PCNT: variants seen among roughly 807,000 people sequenced by gnomAD.
PCNT encodes pericentrin, also known as kendrin.
Under a neutral mutation model 380.4 loss-of-function variants are expected in PCNT, and 319 were observed. The observed-to-expected ratio is 0.84, with a 90% CI of 0.77 to 0.92. The LOEUF is 0.92. PCNT is among the 40% of genes least tolerant of loss of function. PCNT has a pLI of 0.00. For synonymous variants in PCNT, 1,845 were observed against 1,735.2 expected (o/e 1.06, Z -1.57); for missense variants, 4,400 against 4,255.3 (o/e 1.03, Z -0.95).
chr21:46,411,450 G>T lies in PCNT; in HGVS notation c.5377G>T (p.Glu1793Ter), dbSNP rs201379409. Residue 1793 changes from glutamate (E) to a stop codon, truncating the protein, a stop_gained, in exon 28 of 47, where the codon GAG (glutamate) becomes TAG (stop). Transcript: ENST00000359568. LOFTEE classifies it high-confidence loss of function. Reference protein sequence around the residue: ...PRGQALQGELEAALEAKEALS... With the variant: ...PRGQALQGEL ...TGGGCAGGCCCTACAGGGCGAGCTC[G>T]AGGCTGCGCTGGAAGCCAAGGAGGC... 1 of 1,611,046 alleles carries T rather than the reference G, an allele frequency of 6.2e-7. No individual in the cohort carries two copies. The highest frequency in any genetic ancestry group is 1.3e-5 in the African/African-American group (1 of 74,910).
chr21:46,356,909 G>A (rs557913216), intron 12 of PCNT, 65 bp from the exon 13 acceptor site: 262 of 1,402,708 alleles, frequency 1.9e-4, no homozygotes, highest in Non-Finnish European at 2.5e-4. Flanking sequence ...CTGCCTGTGC[G>A]GACTGTGGGC....
chr21:46,435,177 G>A (rs139083503), intron 38 of PCNT, among the ~76,000 whole-genome samples: 283 of 152,212 alleles, frequency 1.9e-3, no homozygotes, highest in Middle Eastern at 0.01. Flanking sequence ...CCCCTGTAAC[G>A]CGGCTGTGTG....
intron 19 of PCNT, 43 bp downstream of exon 19, chr21:46,389,474 T>C (rs772856564): frequency 1.3e-6 from 2 of 1,498,934 alleles, no homozygotes; most frequent in Non-Finnish European, 1.9e-6. Flanking sequence ...TGTGAACAAC[T>C]GAGTAGCTGA....
chr21:46,444,001 T>C, intron 45 of PCNT, 53 bp downstream of exon 45: 1 of 1,573,596 alleles, frequency 6.4e-7, no homozygotes, highest in Non-Finnish European at 8.7e-7. Flanking sequence ...CCCTCCAGCC[T>C]ACATAGGGCC....
Position 46,333,348 on chromosome 21 carries a change from C to T in PCNT, c.268-1049C>T, listed in dbSNP as rs532365725. 2.0e-4 allele frequency among the ~76,000 whole-genome samples: 30 copies of T among 150,444 alleles called. No individual in the cohort carries two copies. In the East Asian group the frequency reaches 4.9e-3, roughly 25 times the overall value. ...TCAGGAGGCTGAGGCAGGAGAATGGCGTGAACCCGGGAGGCAGAGCTTACA... is the reference window on the plus strand; with the variant it reads ...TCAGGAGGCTGAGGCAGGAGAATGGTGTGAACCCGGGAGGCAGAGCTTACA... On this transcript the variant is annotated intron_variant, in intron 2 of 46. Transcript: ENST00000359568.
rs141211481 is a variant in PCNT at position 46,391,216 on chromosome 21, C to T, written c.4056C>T (p.Ala1352=). 1.2e-4 allele frequency: 187 copies of T among 1,609,492 alleles called. No homozygotes were observed. The highest frequency in any genetic ancestry group is 3.3e-4 in the Middle Eastern group (2 of 6,072). ...VETADLKEVL[A]GKEDSEHRLV... ...CAGCAGATCTGAAGGAGGTGCTGGCCGGGAAGGAGGATTCCGAGCACCGTC... is the reference window on the plus strand; with the variant it reads ...CAGCAGATCTGAAGGAGGTGCTGGCTGGGAAGGAGGATTCCGAGCACCGTC... Residue 1352 remains alanine (A), a synonymous_variant, in exon 21 of 47, where the codon GCC becomes GCT. Transcript: ENST00000359568.
chr21:46,349,769 A>G lies in PCNT; in HGVS notation c.1293A>G (p.Leu431=). The G allele has an allele frequency of 6.2e-7, 1 of 1,614,188 alleles. No homozygotes were observed. The highest frequency in any genetic ancestry group is 2.2e-5 in the East Asian group (1 of 44,894). The change falls in exon 8 of 47, where the codon TTA becomes TTG. Residue 431 remains leucine, a synonymous_variant. Coordinates refer to ENST00000359568, the MANE Select transcript of PCNT (RefSeq NM_006031.6). ...EDLQSEHGRC[L]EDLEFKFKES... is the part of the protein sequence containing the mutation. ...TGCAGTCCGAGCACGGCCGGTGTTT[A>G]GAAGACTTGGAGTTCAAGTTCAAAG...
chr21:46,328,844 G>T (rs1227179604), intron 2 of PCNT, among the ~76,000 whole-genome samples: 1 of 151,696 alleles, frequency 6.6e-6, no homozygotes, highest in Non-Finnish European at 1.5e-5. Context: ...CACGCCCTCT[G>T]CTTCCTGCAA....
intron 3 of PCNT, among the ~76,000 whole-genome samples, chr21:46,340,609 C>CT (rs891477717): frequency 6.6e-6 from 1 of 152,116 alleles, no homozygotes; most frequent in Non-Finnish European, 1.5e-5. Flanking sequence ...AACTGTACAT[C>CT]TTTTTTTGTG....
At chr21:46,361,955 T>C (rs2084734971) in intron 13 of PCNT, among the ~76,000 whole-genome samples, 1 of 152,180 alleles carries the variant, frequency 6.6e-6, no homozygotes, top group Non-Finnish European at 1.5e-5. Context: ...TTCCTGCTTA[T>C]TTATGGGTCA....
At chr21:46,333,371 A>G (rs9980227) in intron 2 of PCNT, among the ~76,000 whole-genome samples, 85,301 of 149,260 alleles carry the variant, frequency 0.57, 24,918 homozygotes, top group Non-Finnish European at 0.64. Flanking sequence ...GGCAGAGCTT[A>G]CAGTGAGCTG....
chr21:46,379,460 A>C (rs1016383597), intron 15 of PCNT, among the ~76,000 whole-genome samples: 1 of 151,894 alleles, frequency 6.6e-6, no homozygotes, highest in Non-Finnish European at 1.5e-5. Flanking sequence ...TCCTACTTGG[A>C]GTTCATTGAG....
chr21:46,386,031 G>A (rs577277780), intron 17 of PCNT, 48 bp downstream of exon 17: 54 of 1,609,364 alleles, frequency 3.4e-5, no homozygotes, highest in Non-Finnish European at 4.4e-5. Context: ...GCCAGCACCC[G>A]CTGGGTCATG....
rs1377230731 is a variant in PCNT, at chr21:46,347,053, A to G, written c.976+55A>G. On this transcript the variant is annotated intron_variant, in intron 5 of 46. Transcript: ENST00000359568. ...CGTGTGGGCTCGGTGTGGGCATTCT[A>G]GTGCCTGTTCCCTCTTGGGGTTGGG... 3 of 1,561,462 alleles carry G rather than the reference A, an allele frequency of 1.9e-6. No individual in the cohort carries two copies. The highest frequency in any genetic ancestry group is 2.7e-5 in the African/African-American group (2 of 74,256).
At chr21:46,354,090 A>G in intron 11 of PCNT, 22 bp downstream of exon 11, 3 of 1,601,496 alleles carry the variant, frequency 1.9e-6, no homozygotes, top group African/African-American at 1.3e-5. Context: ...CGCGCTGAGA[A>G]GTGGGGGAGT....
Position 46,445,551 on chromosome 21 carries a change from C to T in PCNT, c.*224C>T, listed in dbSNP as rs1015679470. ...CCGTATGTTTTAGGCCCATGACCTT[C>T]GTGAGGTGACGGGCACTCACTCCCA... On this transcript the variant is annotated 3_prime_UTR_variant, in exon 47 of 47. Transcript: ENST00000359568. 5.2e-6 allele frequency: 3 copies of T among 577,586 alleles called. No homozygotes were observed. Among genetic ancestry groups the T allele is most frequent in the East Asian group, 3.0e-5 (1 of 33,838 alleles). 35.8% of individuals were successfully genotyped at this position (577,586 alleles called of 1,614,324 possible).
In PCNT at chr21:46,388,595, G is replaced by A. The variant is rs1368904142; in HGVS notation, c.3465-147G>A. 5.1e-6 allele frequency: 5 copies of A among 986,122 alleles called. No individual in the cohort carries two copies. Among genetic ancestry groups the A allele is most frequent in the Admixed American group, 1.8e-5 (1 of 55,390 alleles). 61.1% of individuals were successfully genotyped at this position (986,122 alleles called of 1,614,324 possible). On this transcript the variant is annotated intron_variant, in intron 17 of 46. Coordinates refer to ENST00000359568, the MANE Select transcript of PCNT (RefSeq NM_006031.6). The surrounding 1 kb of genome is among the most constrained non-coding windows in gnomAD (Gnocchi z 4.2). ...GCCTCAGCTTCCTGTGCTCACATGG[G>A]CATGAGGATCATGTCTTCCGGCCCC... is the stretch of plus-strand genomic sequence containing the variant.
intron 29 of PCNT, 75 bp downstream of exon 29, chr21:46,413,067 G>A (rs1387166746): frequency 2.1e-6 from 2 of 957,776 alleles, no homozygotes; most frequent in African/African-American, 3.3e-5. Context: ...GGGGAGCGGG[G>A]AAGGCACGAG....
rs1198603065 is a variant in PCNT at position 46,349,790 on chromosome 21, C to G, written c.1314C>G (p.Phe438Leu). The change falls in exon 8 of 47, where the codon TTC (phenylalanine) becomes TTG (leucine). Residue 438 changes from phenylalanine (F) to leucine (L), a missense_variant. By Grantham distance (22) the Phe-to-Leu change is conservative. Coordinates refer to ENST00000359568, the MANE Select transcript of PCNT (RefSeq NM_006031.6). ...GTTTAGAAGACTTGGAGTTCAAGTT[C>G]AAAGAGAGCGAGAAAGAAAAACAGC... Reference protein sequence around the residue: ...GRCLEDLEFKFKESEKEKQLE... With the variant: ...GRCLEDLEFKLKESEKEKQLE... 1 of 1,613,982 alleles carries G rather than the reference C, an allele frequency of 6.2e-7. No homozygotes were observed. The highest frequency in any genetic ancestry group is 1.3e-5 in the African/African-American group (1 of 74,908).
Sources: gnomAD v4.1 joint callset for allele counts (sites outside exome capture counted in the v4.1 genomes callset) on GRCh38, gnomAD v4.1.1 for gene constraint, Gnocchi (gnomAD v3.1) non-coding constraint, MANE v1.5 for transcripts, NCBI Gene and HGNC (gene_info 2026-07-23, HGNC 2026-07-21) for gene names.